Variants in ANGPT2 observed in about 807,000 individuals in gnomAD.
ANGPT2 encodes angiopoietin-2.
A neutral mutation model predicts 62.9 loss-of-function variants in ANGPT2; 28 were observed. The observed-to-expected ratio is 0.44, with a 90% CI of 0.33 to 0.61. The LOEUF (loss-of-function observed/expected upper bound fraction) is 0.61, where lower values mean the gene tolerates loss of function less well. Ranked by LOEUF, ANGPT2 falls within the 20% of genes least tolerant of loss-of-function variation. The probability of loss-of-function intolerance (pLI) is 0.03; values close to 1 mark genes in which losing one functional copy is unlikely to be tolerated. For missense variants in ANGPT2, 727 were observed against 594.9 expected (o/e 1.22, Z -2.31); for synonymous variants, 284 against 207.8 (o/e 1.37, Z -3.15).
At chr8:6,508,072 CA>C (rs1814144859) in intron 8 of ANGPT2, 1 of 152,170 alleles carries the variant, frequency 6.6e-6, no homozygotes, top group Non-Finnish European at 1.5e-5. Context: ...GAAGATGACT[CA>C]TTTTAATTTG....
chr8:6,547,360 C>T (rs1822793281), intron 1 of ANGPT2, among the ~76,000 whole-genome samples: 2 of 152,070 alleles, frequency 1.3e-5, no homozygotes, highest in African/African-American at 4.8e-5. Context: ...CTCTCTTTAA[C>T]CCTCTTGCCT....
At chr8:6,553,151 T>G (rs1823959966) in intron 1 of ANGPT2, among the ~76,000 whole-genome samples, 1 of 152,122 alleles carries the variant, frequency 6.6e-6, no homozygotes. Flanking sequence ...AGTGCACCAC[T>G]CTGGTGCAGG....
At chr8:6,528,766 G>A (rs1012558892) in intron 2 of ANGPT2, among the ~76,000 whole-genome samples, 1 of 152,210 alleles carries the variant, frequency 6.6e-6, no homozygotes, top group African/African-American at 2.4e-5. Flanking sequence ...AGGAACCGGA[G>A]ACCTTGAAAG....
chr8:6,555,800 G>C (rs1208729993), intron 1 of ANGPT2, among the ~76,000 whole-genome samples: 1 of 152,176 alleles, frequency 6.6e-6, no homozygotes, highest in African/African-American at 2.4e-5. Context: ...CGATTAAATA[G>C]TTGTACCAAT....
chr8:6,531,871 A>G (rs1275591244), intron 2 of ANGPT2, among the ~76,000 whole-genome samples: 1 of 152,120 alleles, frequency 6.6e-6, no homozygotes, highest in Non-Finnish European at 1.5e-5. Context: ...AACTCATTCC[A>G]CAGGCTGTGT....
chr8:6,504,040 C>A (rs1018433698), intron 8 of ANGPT2, among the ~76,000 whole-genome samples: 1 of 152,146 alleles, frequency 6.6e-6, no homozygotes, highest in African/African-American at 2.4e-5. Flanking sequence ...AAGCAGGGGC[C>A]GGGCGCAGTG....
intron 3 of ANGPT2, among the ~76,000 whole-genome samples, chr8:6,525,988 T>G (rs1398367102): frequency 6.6e-6 from 1 of 152,212 alleles, no homozygotes; most frequent in Non-Finnish European, 1.5e-5. Flanking sequence ...TATTAGGGTA[T>G]GTTCTACAAA....
At chr8:6,508,900 A>G (rs1480747640) in intron 8 of ANGPT2, 32 bp downstream of exon 8, 3 of 1,613,900 alleles carry the variant, frequency 1.9e-6, no homozygotes, top group Admixed American at 1.7e-5. Flanking sequence ...TTCCTTGCCA[A>G]TACAAATAGG....
At chr8:6,551,771 G>C (rs1012395992) in intron 1 of ANGPT2, among the ~76,000 whole-genome samples, 1 of 152,156 alleles carries the variant, frequency 6.6e-6, no homozygotes, top group African/African-American at 2.4e-5. Flanking sequence ...ATTAAGCATA[G>C]GTAATTAGCT....
At chr8:6,533,129 A>G (rs1398574091) in intron 1 of ANGPT2, among the ~76,000 whole-genome samples, 1 of 152,200 alleles carries the variant, frequency 6.6e-6, no homozygotes, top group Non-Finnish European at 1.5e-5. Context: ...TTGTCATTTC[A>G]TGTATCAAGC....
chr8:6,540,481 G>A (rs543648016), intron 1 of ANGPT2, among the ~76,000 whole-genome samples: 37 of 152,328 alleles, frequency 2.4e-4, no homozygotes, highest in South Asian at 1.4e-3. Context: ...TAGGGCACAT[G>A]TATATTTACC....
At chr8:6,514,396 G>A (rs1815812713) in intron 6 of ANGPT2, among the ~76,000 whole-genome samples, 1 of 152,078 alleles carries the variant, frequency 6.6e-6, no homozygotes, top group South Asian at 2.1e-4. Flanking sequence ...TGTTATGTTG[G>A]CCAACTGGTC....
chr8:6,558,272 A>G lies in ANGPT2; in HGVS notation c.288+4375T>C, dbSNP rs62496877. Among the ~76,000 whole-genome samples, 1,522 of 152,340 alleles carry G rather than the reference A, an allele frequency of 1.0e-2. 16 individuals carry two copies. The highest frequency in any genetic ancestry group is 0.016 in the Non-Finnish European group (1,059 of 68,032). ...CTAATCTCCAAGAAAGGGATGGAAG[A>G]CTGGGGAAAGAGAATCTACTTCCTA... On this transcript the variant is annotated intron_variant, in intron 1 of 8. Coordinates refer to ENST00000629816, the MANE Select transcript of ANGPT2 (RefSeq NM_001118887.2).
At chr8:6,525,676 G>C (rs1818198961) in intron 3 of ANGPT2, among the ~76,000 whole-genome samples, 1 of 152,132 alleles carries the variant, frequency 6.6e-6, no homozygotes, top group African/African-American at 2.4e-5. Flanking sequence ...CAGAATTAAG[G>C]TAGAAAACAC....
At chr8:6,527,440 C>A (rs1334324954) in intron 3 of ANGPT2, 115 bp downstream of exon 3, 8 of 1,323,594 alleles carry the variant, frequency 6.0e-6, no homozygotes, top group Admixed American at 4.3e-5. Flanking sequence ...AGGTTTCTGA[C>A]CCTTACACTA....
At chr8:6,532,797 C>T (rs527355753) in intron 1 of ANGPT2, among the ~76,000 whole-genome samples, 2 of 152,264 alleles carry the variant, frequency 1.3e-5, no homozygotes, top group African/African-American at 4.8e-5. Flanking sequence ...TGAGGGCAGC[C>T]ACAGGGACTG....
At chr8:6,515,491 T>C (rs1816079768) in intron 5 of ANGPT2, among the ~76,000 whole-genome samples, 1 of 152,350 alleles carries the variant, frequency 6.6e-6, no homozygotes, top group South Asian at 2.1e-4. Flanking sequence ...TAAGCAACTC[T>C]TTTTATTTCT....
At chr8:6,513,632 C>T (rs1815646841) in intron 7 of ANGPT2, 46 bp downstream of exon 7, 3 of 1,567,244 alleles carry the variant, frequency 1.9e-6, no homozygotes, top group Non-Finnish European at 2.6e-6. Flanking sequence ...CGTGCCCGGC[C>T]ACAAATCTTT....
At chr8:6,549,497 C>A (rs189959185) in intron 1 of ANGPT2, among the ~76,000 whole-genome samples, 1 of 151,826 alleles carries the variant, frequency 6.6e-6, no homozygotes, top group East Asian at 1.9e-4. Flanking sequence ...GGGTGGGAAG[C>A]CTTCTGTATC....
Sources: gnomAD v4.1 joint callset for allele counts (sites outside exome capture counted in the v4.1 genomes callset) on GRCh38, gnomAD v4.1.1 for gene constraint, MANE v1.5 for transcripts, NCBI Gene and HGNC (gene_info 2026-07-23, HGNC 2026-07-21) for gene names.